EIF4E3: variants seen among roughly 807,000 people sequenced by gnomAD.
EIF4E3 encodes eukaryotic translation initiation factor 4E type 3.
A neutral mutation model predicts 31.7 loss-of-function variants in EIF4E3; 26 were observed. The observed-to-expected ratio is 0.82, with a 90% CI of 0.60 to 1.14. EIF4E3 has a LOEUF of 1.14. EIF4E3 is among the 50% of genes most tolerant of loss of function. EIF4E3 has a pLI of 0.00. For missense variants in EIF4E3, 304 were observed against 270.9 expected (o/e 1.12, Z -0.86); for synonymous variants, 128 against 107.7 (o/e 1.19, Z -1.17).
intron 2 of EIF4E3, among the ~76,000 whole-genome samples, chr3:71,706,392 A>C (rs1275386370): frequency 6.6e-6 from 1 of 152,256 alleles, no homozygotes; most frequent in Non-Finnish European, 1.5e-5. Context: ...AAGTATAAAA[A>C]GACTCATATG....
At chr3:71,720,547 G>T (rs530889968) in intron 1 of EIF4E3, among the ~76,000 whole-genome samples, 1 of 152,132 alleles carries the variant, frequency 6.6e-6, no homozygotes, top group South Asian at 2.1e-4. Flanking sequence ...TCTCAAAGCT[G>T]CTCTGGTAGA....
intron 2 of EIF4E3, among the ~76,000 whole-genome samples, chr3:71,703,983 GC>G (rs2049255068): frequency 6.6e-6 from 1 of 152,208 alleles, no homozygotes. Flanking sequence ...GGGCCAATAG[GC>G]ATCTGAACCG....
the EIF4E3 span, among the ~76,000 whole-genome samples, chr3:71,667,745 A>C: frequency 6.6e-6 from 1 of 152,226 alleles, no homozygotes; most frequent in African/African-American, 2.4e-5. Context: ...TGCTCAAGGA[A>C]ATAAGAGAGC....
chr3:71,725,394 C>T lies in EIF4E3; in HGVS notation c.-27G>A. ...TTCTCCGCCCCGCCTGCAAGGCCGGCGGACGCGCGGACCGCGGGGCGAGCG... is the reference window on the plus strand; with the variant it reads ...TTCTCCGCCCCGCCTGCAAGGCCGGTGGACGCGCGGACCGCGGGGCGAGCG... On this transcript the variant is annotated 5_prime_UTR_variant, in exon 1 of 7. Coordinates refer to ENST00000425534, the MANE Select transcript of EIF4E3 (RefSeq NM_001134651.2). This position sits in a 1 kb window ranked among gnomAD's most constrained non-coding sequence, Gnocchi z 6.1. 1 of 977,684 alleles carries T rather than the reference C, an allele frequency of 1.0e-6. No individual in the cohort carries two copies. The highest frequency in any genetic ancestry group is 5.2e-4 in the Middle Eastern group (1 of 1,906). 60.6% of individuals were successfully genotyped at this position (977,684 alleles called of 1,614,324 possible).
chr3:71,705,919 C>T (rs1351493666), intron 2 of EIF4E3, among the ~76,000 whole-genome samples: 1 of 152,230 alleles, frequency 6.6e-6, no homozygotes, highest in Non-Finnish European at 1.5e-5. Flanking sequence ...TGAGCCAATG[C>T]ACCCGGCTAA....
intron 1 of EIF4E3, among the ~76,000 whole-genome samples, chr3:71,740,077 CA>C (rs1229448852): frequency 1.3e-5 from 2 of 151,098 alleles, no homozygotes; most frequent in Admixed American, 1.3e-4. Context: ...ACTAAAATAA[CA>C]AAGCAAAGAA....
At position 71,725,127 on chromosome 3, in the gene EIF4E3, A is replaced by G; in HGVS notation, c.176+65T>C. 1 of 1,014,118 alleles carries G rather than the reference A, an allele frequency of 9.9e-7. No homozygotes were observed. The highest frequency in any genetic ancestry group is 1.2e-6 in the Non-Finnish European group (1 of 847,984). The allele number at this position is 1,014,118 out of a possible 1,614,324, so 62.8% of individuals were successfully genotyped here. ...GGCCGGGGCGAGGGGCCGCGCCGAG[A>G]CAAAGCGGCGGTGGCGGCAGGACCC... is the stretch of plus-strand genomic sequence containing the variant. On this transcript the variant is annotated intron_variant, in intron 1 of 6. Transcript: ENST00000425534. The surrounding 1 kb of genome is among the most constrained non-coding windows in gnomAD (Gnocchi z 6.1).
chr3:71,754,520 G>A, upstream of EIF4E3: 2 of 1,315,614 alleles, frequency 1.5e-6, no homozygotes, highest in South Asian at 4.0e-5. The surrounding 1 kb of genome is among the most constrained non-coding windows in gnomAD (Gnocchi z 5.8). Flanking sequence ...CGGCCTTCCC[G>A]CCAGTGCTGG....
intron 1 of EIF4E3, among the ~76,000 whole-genome samples, chr3:71,723,593 T>TA (rs1190785187): frequency 6.6e-6 from 1 of 152,250 alleles, no homozygotes; most frequent in African/African-American, 2.4e-5. Flanking sequence ...GTGTTGTTCC[T>TA]ACATGTAAAC....
At position 71,679,745 on chromosome 3, in the gene EIF4E3, G is replaced by A. The variant is rs1179817844; in HGVS notation, c.*4937C>T. 3 of 152,138 alleles carry A rather than the reference G, an allele frequency of 2.0e-5. No individual in the cohort carries two copies. Among genetic ancestry groups the A allele is most frequent in the Non-Finnish European group, 4.4e-5 (3 of 68,016 alleles). The allele number at this position is 152,138 out of a possible 1,614,324, so 9.4% of individuals were successfully genotyped here. A position where few individuals can be genotyped will look rare whatever the true frequency, so the allele number is the denominator to read the frequency against. ...TCCAGTTTAGTAACAGCTTTGCTAA[G>A]CTACGTTTTGAAAGTGACAATTAAT... is the stretch of plus-strand genomic sequence containing the variant. On this transcript the variant is annotated 3_prime_UTR_variant, in exon 7 of 7. Coordinates refer to ENST00000425534, the MANE Select transcript of EIF4E3 (RefSeq NM_001134651.2).
Position 71,690,112 on chromosome 3 carries a change from G to C in EIF4E3, c.526C>G (p.Gln176Glu). The part of the protein sequence containing the change: ...VSVRDREDVV[Q>E]VWNVNASLVG... The stretch of plus-strand genomic sequence containing the variant: ...AAAGAGGCATTTACATTCCAGACTT[G>C]GACGACGTCTTCTCGGTCCCGAACA... Residue 176 changes from glutamine (Q) to glutamate (E), a missense_variant, in exon 6 of 7, where the codon CAA (glutamine) becomes GAA (glutamate). By Grantham distance (29) the Gln-to-Glu change is conservative (BLOSUM62 2). Transcript: ENST00000425534. 3 of 1,613,402 alleles carry C rather than the reference G, an allele frequency of 1.9e-6. No homozygotes were observed. Among genetic ancestry groups the C allele is most frequent in the Non-Finnish European group, 2.5e-6 (3 of 1,179,828 alleles).
upstream of EIF4E3, chr3:71,753,702 G>T (rs1036724656): frequency 4.6e-5 from 7 of 150,726 alleles, no homozygotes; most frequent in South Asian, 1.1e-3. Context: ...GGGCCCGGCG[G>T]GGGGCAGAGC....
intron 1 of EIF4E3, among the ~76,000 whole-genome samples, chr3:71,735,828 C>T (rs2049757269): frequency 6.6e-6 from 1 of 151,172 alleles, no homozygotes. Context: ...GAGAAGAAAA[C>T]ATTTTCATGT....
rs545444880 is a variant in EIF4E3, at chr3:71,745,840, T to C, written c.-291+7623A>G. Among the ~76,000 whole-genome samples, 22 of 152,274 alleles carry C rather than the reference T, an allele frequency of 1.4e-4. 1 individual carries two copies. In the South Asian group the frequency reaches 4.6e-3, roughly 32 times the overall value. ...AGGGGCCACATTTTTTAAGAAGGCC[T>C]TTTTTTCTCACTTGGAGCCGTTGCT... On this transcript the variant is annotated intron_variant, in intron 1 of 7. Coordinates refer to the EIF4E3 transcript ENST00000295612.
intron 1 of EIF4E3, among the ~76,000 whole-genome samples, chr3:71,722,479 G>A (rs922776854): frequency 6.6e-6 from 1 of 152,186 alleles, no homozygotes; most frequent in African/African-American, 2.4e-5. Flanking sequence ...AGCAGTTAGA[G>A]ACACATAACC....
chr3:71,752,475 T>C (rs1481311268), intron 1 of EIF4E3, among the ~76,000 whole-genome samples: 1 of 152,176 alleles, frequency 6.6e-6, no homozygotes, highest in Non-Finnish European at 1.5e-5. Flanking sequence ...CTCTATGATC[T>C]TGCACTATCC....
chr3:71,710,495 A>T lies in EIF4E3; in HGVS notation c.177-11T>A, dbSNP rs528120763. ...GCACCAGGGAGGGATCTAGGCAAGC[A>T]GGAGCAGGACAAAGACACAAACAAA... On this transcript the variant is annotated splice_polypyrimidine_tract_variant and intron_variant, in intron 1 of 6. Coordinates refer to ENST00000425534, the MANE Select transcript of EIF4E3 (RefSeq NM_001134651.2). The T allele has an allele frequency of 1.8e-4, 272 of 1,551,740 alleles. No individual in the cohort carries two copies. The highest frequency in any genetic ancestry group is 2.2e-4 in the Non-Finnish European group (256 of 1,146,934).
chr3:71,698,936 G>C (rs1265088185), intron 3 of EIF4E3, among the ~76,000 whole-genome samples: 20 of 152,140 alleles, frequency 1.3e-4, no homozygotes, highest in Non-Finnish European at 5.9e-5. Context: ...TTACATTTCT[G>C]GTGGCTGGGC....
intron 1 of EIF4E3, among the ~76,000 whole-genome samples, chr3:71,736,716 C>A (rs1190320982): frequency 1.3e-5 from 2 of 152,168 alleles, no homozygotes; most frequent in Non-Finnish European, 2.9e-5. Context: ...CTGAATGATA[C>A]TATAATGGTG....
Sources: allele counts gnomAD v4.1 joint callset (sites outside exome capture counted in the v4.1 genomes callset), GRCh38; gene constraint gnomAD v4.1.1; non-coding constraint Gnocchi (gnomAD v3.1); transcripts MANE v1.5; gene names NCBI Gene and HGNC (gene_info 2026-07-23, HGNC 2026-07-21).